The following GPC5 variants were observed in gnomAD, a reference collection of about 807,000 sequenced individuals.
The protein encoded by GPC5 is glypican-5.
Under a neutral mutation model 53.9 loss-of-function variants are expected in GPC5, and 47 were observed. The ratio of observed to expected loss-of-function variants is 0.87; its 90% CI spans 0.69 to 1.11. GPC5 has a LOEUF of 1.11. Ranked by LOEUF, GPC5 falls within the 50% of genes most tolerant of loss-of-function variation. The pLI is 0.00. For missense variants in GPC5, 748 were observed against 713.1 expected (o/e 1.05, Z -0.56); for synonymous variants, 286 against 263.3 (o/e 1.09, Z -0.84).
chr13:92,786,763 T>C (rs1004997255), intron 7 of GPC5, among the ~76,000 whole-genome samples: 6 of 152,168 alleles, frequency 3.9e-5, no homozygotes. Flanking sequence ...CCCAGAGTCA[T>C]GAGTGCTGTG....
At chr13:92,788,857 G>GCA (rs1442872119) in intron 7 of GPC5, among the ~76,000 whole-genome samples, 1 of 152,116 alleles carries the variant, frequency 6.6e-6, no homozygotes, top group Non-Finnish European at 1.5e-5. Context: ...TCGGTGTATG[G>GCA]CACACCTTGA....
Position 91,877,742 on chromosome 13 carries a change from G to T in GPC5, c.1281-30195G>T, listed in dbSNP as rs557742688. On this transcript the variant is annotated intron_variant, in intron 5 of 7. Coordinates refer to ENST00000377067, the MANE Select transcript of GPC5 (RefSeq NM_004466.6). The stretch of plus-strand genomic sequence containing the variant: ...TGGAACAGTTTGTAAAGGCATACTT[G>T]GTTTTGAAATGTGAGGACATAAGAT... 1.1e-4 allele frequency among the ~76,000 whole-genome samples: 17 copies of T among 152,256 alleles called. No homozygotes were observed. In the East Asian group the frequency reaches 3.1e-3, roughly 28 times the overall value.
At chr13:91,910,511 A>G (rs1220410238) in intron 6 of GPC5, among the ~76,000 whole-genome samples, 6 of 152,172 alleles carry the variant, frequency 3.9e-5, no homozygotes, top group East Asian at 1.9e-4. Flanking sequence ...CCTTTGTGCT[A>G]TGAAAAATGC....
intron 7 of GPC5, among the ~76,000 whole-genome samples, chr13:92,194,997 A>G (rs1017146569): frequency 1.3e-5 from 2 of 152,216 alleles, no homozygotes; most frequent in African/African-American, 4.8e-5. Context: ...GCAGTCAAAG[A>G]TCTCTGCTGT....
At chr13:92,238,854 G>A (rs1024133670) in intron 7 of GPC5, among the ~76,000 whole-genome samples, 2 of 151,582 alleles carry the variant, frequency 1.3e-5, no homozygotes, top group Non-Finnish European at 2.9e-5. Context: ...CAAGATTTAT[G>A]CCTATATTTT....
At chr13:92,259,437 C>T (rs1476179721) in intron 7 of GPC5, among the ~76,000 whole-genome samples, 1 of 152,152 alleles carries the variant, frequency 6.6e-6, no homozygotes. Context: ...AATGCCTCCC[C>T]TACTCCTGAT....
intron 3 of GPC5, among the ~76,000 whole-genome samples, chr13:91,697,980 C>T (rs2035917098): frequency 6.6e-6 from 1 of 151,352 alleles, no homozygotes; most frequent in African/African-American, 2.4e-5. Flanking sequence ...TGGCTCACTG[C>T]ATCCTCCACC....
At chr13:91,834,722 T>A (rs1356430334) in intron 5 of GPC5, among the ~76,000 whole-genome samples, 3 of 152,152 alleles carry the variant, frequency 2.0e-5, no homozygotes, top group African/African-American at 7.2e-5. Context: ...GATCCCTTCC[T>A]TACACCTTAT....
At chr13:91,539,376 G>A (rs935866636) in intron 2 of GPC5, among the ~76,000 whole-genome samples, 1 of 152,118 alleles carries the variant, frequency 6.6e-6, no homozygotes, top group Non-Finnish European at 1.5e-5. Context: ...TTCGTCATAT[G>A]TTATCAGGAA....
At chr13:91,420,752 T>G (rs1047761786) in intron 1 of GPC5, among the ~76,000 whole-genome samples, 8 of 152,184 alleles carry the variant, frequency 5.3e-5, no homozygotes, top group African/African-American at 1.9e-4. Flanking sequence ...GTGAGTGAGT[T>G]CTCACAAGAG....
At chr13:91,462,066 ACT>A (rs1354823873) in intron 2 of GPC5, among the ~76,000 whole-genome samples, 1 of 152,074 alleles carries the variant, frequency 6.6e-6, no homozygotes, top group African/African-American at 2.4e-5. Context: ...CTATGTTTTG[ACT>A]CTCACTGTAA....
chr13:92,442,881 C>A (rs1019012425), intron 7 of GPC5, among the ~76,000 whole-genome samples: 1 of 152,166 alleles, frequency 6.6e-6, no homozygotes, highest in African/African-American at 2.4e-5. Flanking sequence ...CCAGATAGCT[C>A]TATACCCAGT....
At chr13:92,572,529 G>A (rs1382152245) in intron 7 of GPC5, among the ~76,000 whole-genome samples, 1 of 152,094 alleles carries the variant, frequency 6.6e-6, no homozygotes, top group Non-Finnish European at 1.5e-5. Context: ...AAGCATTTCT[G>A]TTAGATATGG....
intron 7 of GPC5, among the ~76,000 whole-genome samples, chr13:92,600,329 T>G (rs1407827759): frequency 6.6e-6 from 1 of 152,234 alleles, no homozygotes; most frequent in Non-Finnish European, 1.5e-5. Flanking sequence ...GTTTGTTTTT[T>G]GACTTTCTTA....
intron 7 of GPC5, among the ~76,000 whole-genome samples, chr13:92,642,343 T>A (rs1885622480): frequency 1.3e-5 from 2 of 152,188 alleles, no homozygotes; most frequent in African/African-American, 4.8e-5. Flanking sequence ...TAAAAATCCA[T>A]CCTCACCTGT....
chr13:91,656,126 G>A (rs979958587), intron 2 of GPC5, among the ~76,000 whole-genome samples: 1 of 152,236 alleles, frequency 6.6e-6, no homozygotes, highest in Admixed American at 6.5e-5. Context: ...GGTTTGAAAG[G>A]CAATAAGGCC....
intron 7 of GPC5, among the ~76,000 whole-genome samples, chr13:92,234,858 T>C (rs1457726700): frequency 1.3e-5 from 2 of 152,162 alleles, no homozygotes; most frequent in African/African-American, 2.4e-5. Context: ...CCTGAAGTAA[T>C]TGATATGCCA....
intron 6 of GPC5, among the ~76,000 whole-genome samples, chr13:91,998,794 A>G (rs997021941): frequency 3.3e-5 from 5 of 152,210 alleles, no homozygotes; most frequent in Non-Finnish European, 7.4e-5. Flanking sequence ...TGTGATTCAC[A>G]TTATGTAATG....
intron 2 of GPC5, among the ~76,000 whole-genome samples, chr13:91,692,346 T>C (rs1246343685): frequency 2.0e-5 from 3 of 152,242 alleles, no homozygotes; most frequent in African/African-American, 7.2e-5. Flanking sequence ...ACTTTCTCTT[T>C]AGTTAGAACA....
Sources: allele counts gnomAD v4.1 joint callset (sites outside exome capture counted in the v4.1 genomes callset), GRCh38; gene constraint gnomAD v4.1.1; transcripts MANE v1.5; gene names NCBI Gene and HGNC (gene_info 2026-07-23, HGNC 2026-07-21).